A3GALT2: variants seen among roughly 807,000 people sequenced by gnomAD.
A3GALT2 encodes the protein alpha 1,3-galactosyltransferase 2.
Under a neutral mutation model 16.6 loss-of-function variants are expected in A3GALT2, and 14 were observed. The observed-to-expected ratio is 0.84, with a 90% CI of 0.56 to 1.32. The LOEUF (loss-of-function observed/expected upper bound fraction) is 1.32. A3GALT2 is among the 40% of genes most tolerant of loss of function. The probability of loss-of-function intolerance (pLI) is 0.00; values close to 1 mark genes in which losing one functional copy is unlikely to be tolerated. For missense variants in A3GALT2, 600 were observed against 490.9 expected, an observed-to-expected ratio of 1.22 and a Z score of -2.10; for synonymous variants, 253 against 218.0, an observed-to-expected ratio of 1.16 and a Z score of -1.42.
At chr1:33,316,092 C>T (rs1226059213) in intron 1 of A3GALT2, among the ~76,000 whole-genome samples, 1 of 152,010 alleles carries the variant, frequency 6.6e-6, no homozygotes. Context: ...GTTGGGGCCT[C>T]CTGGAGGAGG....
intron 3 of A3GALT2, 111 bp downstream of exon 3, chr1:33,312,389 GC>G: frequency 7.6e-7 from 1 of 1,316,142 alleles, no homozygotes; most frequent in Non-Finnish European, 1.0e-6. Flanking sequence ...GGACTTGGTG[GC>G]AGAGTGCCTG....
In A3GALT2 at chr1:33,306,879, C is replaced by T. The variant is rs772224732; in HGVS notation, c.910G>A (p.Ala304Thr). 3.3e-6 allele frequency: 5 copies of T among 1,519,714 alleles called. No individual in the cohort carries two copies. The highest frequency in any genetic ancestry group is 3.4e-4 in the Middle Eastern group (2 of 5,900). The allele number at this position is 1,519,714 out of a possible 1,614,324, so 94.1% of individuals were successfully genotyped here. A position where few individuals can be genotyped will look rare whatever the true frequency, so the allele number is the denominator to read the frequency against. Residue 304 changes from alanine to threonine, a missense_variant, in exon 5 of 5, where the codon GCC becomes ACC. Coordinates refer to ENST00000442999, the MANE Select transcript of A3GALT2 (RefSeq NM_001080438.1). ...LNKFFWLHKP[A>T]KVLSPEFCWS... is the part of the protein sequence containing the mutation. ...CAGAACTCGGGCGACAGCACCTTGG[C>T]GGGCTTGTGCAGCCAGAAGAACTTG...
rs926969528 is a variant in A3GALT2 at position 33,307,087 on chromosome 1, G to T, written c.702C>A (p.Phe234Leu). ...CGGCGGCCGAATGCGCGTCGCGTTC[G>T]AAGGGCAGCAGCCACGACGGCCAGT... ...HYHWPSWLLP[F>L]ERDAHSAAAM... is the part of the protein sequence containing the mutation. The change falls in exon 5 of 5, where the codon TTC (phenylalanine) becomes TTA (leucine). Residue 234 changes from phenylalanine to leucine, a missense_variant. Transcript: ENST00000442999. 9.8e-6 allele frequency: 15 copies of T among 1,523,204 alleles called. No individual in the cohort carries two copies. The Admixed American group carries it at 1.2e-4, about 12-fold the overall frequency. 94.4% of individuals were successfully genotyped at this position (1,523,204 alleles called of 1,614,324 possible).
intron 3 of A3GALT2, 65 bp downstream of exon 3, chr1:33,312,436 A>T (rs543631692): frequency 2.1e-6 from 3 of 1,457,172 alleles, no homozygotes; most frequent in African/African-American, 1.4e-5. Context: ...GAGGGCAGGG[A>T]CATGGGGCAG....
chr1:33,315,063 G>T (rs1420455745), intron 1 of A3GALT2, among the ~76,000 whole-genome samples: 1 of 152,118 alleles, frequency 6.6e-6, no homozygotes. Flanking sequence ...CCCGGGCAAC[G>T]GAGCAAGACC....
chr1:33,306,827 G>A lies in A3GALT2; in HGVS notation c.962C>T (p.Ala321Val). 6.7e-7 allele frequency: 1 copy of A among 1,493,124 alleles called. No homozygotes were observed. The highest frequency in any genetic ancestry group is 8.9e-7 in the Non-Finnish European group (1 of 1,128,262). 92.5% of individuals were successfully genotyped at this position (1,493,124 alleles called of 1,614,324 possible). ...FCWSPDIGPR[A>V]EIRRPRLLWA... ...CAGCAGTCGCGGGCGGCGGATCTCG[G>A]CCCGCGGGCCGATGTCCGGGCTCCA... Residue 321 changes from alanine (A) to valine (V), a missense_variant, in exon 5 of 5, where the codon GCC becomes GTC. Transcript: ENST00000442999.
In A3GALT2 at chr1:33,319,878, T is replaced by C. The variant is rs557364283; in HGVS notation, c.23+1198A>G. On this transcript the variant is annotated intron_variant, in intron 1 of 4. Transcript: ENST00000442999. Reference sequence around the variant, plus strand: ...CTTTAGGTGAAAAGCCCCAACCTACTGCAGGTTTTCAGGGTGCACCTTCAG... The same window carrying C: ...CTTTAGGTGAAAAGCCCCAACCTACCGCAGGTTTTCAGGGTGCACCTTCAG... Among the ~76,000 whole-genome samples the C allele has an allele frequency of 2.0e-4, 31 of 152,132 alleles. 2 individuals carry two copies. The highest frequency in any genetic ancestry group is 6.7e-4 in the African/African-American group (28 of 41,564).
At chr1:33,310,925 G>A (rs903494168) in intron 4 of A3GALT2, among the ~76,000 whole-genome samples, 1 of 152,164 alleles carries the variant, frequency 6.6e-6, no homozygotes, top group African/African-American at 2.4e-5. Context: ...CCTGGTCCAC[G>A]GGGCAGCCCT....
At chr1:33,312,415 G>A (rs1235239271) in intron 3 of A3GALT2, 86 bp downstream of exon 3, 1 of 1,383,694 alleles carries the variant, frequency 7.2e-7, no homozygotes, top group Non-Finnish European at 9.9e-7. Flanking sequence ...TGCTGGGGTG[G>A]GAGATGTGTG....
Position 33,306,786 on chromosome 1 carries a change from AC to A in A3GALT2, c.1002del (p.Tyr335ThrfsTer?). ...RRPRLLWAPKGYRLLRN is the reference protein window; with the variant it reads ...RRPRLLWAPKXYRLLRN ...CGGCGCTAGTTCCGCAGCAGCCGGTACCCCTTGGGCGCCCACAGCAGTCGCG... is the reference window on the plus strand; with the variant it reads ...CGGCGCTAGTTCCGCAGCAGCCGGTACCCTTGGGCGCCCACAGCAGTCGCG... On this transcript the variant is annotated frameshift_variant, in exon 5 of 5. Coordinates refer to ENST00000442999, the MANE Select transcript of A3GALT2 (RefSeq NM_001080438.1). LOFTEE classifies it high-confidence loss of function. 5.7e-6 allele frequency: 8 copies of A among 1,415,606 alleles called. No homozygotes were observed. Among genetic ancestry groups the A allele is most frequent in the Non-Finnish European group, 7.3e-6 (8 of 1,093,908 alleles). 87.7% of individuals were successfully genotyped at this position (1,415,606 alleles called of 1,614,324 possible).
chr1:33,311,378 A>C (rs1245444065), intron 4 of A3GALT2, among the ~76,000 whole-genome samples: 1 of 152,018 alleles, frequency 6.6e-6, no homozygotes, highest in African/African-American at 2.4e-5. Flanking sequence ...CTTGATCTTC[A>C]TCAGTGTCTG....
At chr1:33,310,740 G>A (rs1425100341) in intron 4 of A3GALT2, among the ~76,000 whole-genome samples, 1 of 152,170 alleles carries the variant, frequency 6.6e-6, no homozygotes, top group African/African-American at 2.4e-5. Context: ...AGCATTTCGT[G>A]GTGTTGGACT....
intron 4 of A3GALT2, among the ~76,000 whole-genome samples, chr1:33,309,710 G>A (rs922237086): frequency 1.1e-4 from 16 of 151,878 alleles, no homozygotes; most frequent in South Asian, 2.1e-4. Flanking sequence ...CAGAAAGGGC[G>A]GCGGGGCAGA....
At chr1:33,309,246 A>G (rs1351183892) in intron 4 of A3GALT2, among the ~76,000 whole-genome samples, 2 of 152,126 alleles carry the variant, frequency 1.3e-5, no homozygotes, top group Non-Finnish European at 2.9e-5. Context: ...CAAAACCACC[A>G]CCATCATCAT....
rs557429806 is a variant in A3GALT2, at chr1:33,309,108, C to T, written c.336-1655G>A. On this transcript the variant is annotated intron_variant, in intron 4 of 4. Coordinates refer to ENST00000442999, the MANE Select transcript of A3GALT2 (RefSeq NM_001080438.1). ...GGGTAAGGTTATAGATTAACAGCAT[C>T]CCAAGGCAGAAGAATTTTTCTTAGT... Among the ~76,000 whole-genome samples the T allele has an allele frequency of 6.3e-3, 961 of 152,006 alleles. 5 individuals carry two copies. Among genetic ancestry groups the T allele is most frequent in the Non-Finnish European group, 9.5e-3 (643 of 67,974 alleles).
chr1:33,306,969 C>G lies in A3GALT2; in HGVS notation c.820G>C (p.Gly274Arg). Residue 274 changes from glycine to arginine, a missense_variant, in exon 5 of 5, where the codon GGG (glycine) becomes CGG (arginine). Transcript: ENST00000442999. ...ALRGLTAHCA[G>R]GLDWDRARGL... ...CGCGCGCGGTCCCAGTCCAGGCCCC[C>G]CGCACAGTGCGCCGTCAGCCCGCGC... The G allele has an allele frequency of 2.0e-6, 3 of 1,490,668 alleles. No individual in the cohort carries two copies. The highest frequency in any genetic ancestry group is 2.7e-6 in the Non-Finnish European group (3 of 1,127,236). The allele number at this position is 1,490,668 out of a possible 1,614,324, so 92.3% of individuals were successfully genotyped here. A position where few individuals can be genotyped will look rare whatever the true frequency, so the allele number is the denominator to read the frequency against.
chr1:33,306,850 C>T lies in A3GALT2; in HGVS notation c.939G>A (p.Trp313Ter), dbSNP rs1024581704. ...PAKVLSPEFC[W>*]SPDIGPRAEI... ...CGGCCCGCGGGCCGATGTCCGGGCT[C>T]CAGCAGAACTCGGGCGACAGCACCT... Residue 313 changes from tryptophan (W) to a stop codon, truncating the protein, a stop_gained, in exon 5 of 5, where the codon TGG becomes TGA. Coordinates refer to ENST00000442999, the MANE Select transcript of A3GALT2 (RefSeq NM_001080438.1). LOFTEE classifies it low-confidence loss of function (END_TRUNC). The T allele has an allele frequency of 1.3e-5, 20 of 1,510,550 alleles. No individual in the cohort carries two copies. In the African/African-American group the frequency reaches 1.7e-4, roughly 13 times the overall value. The allele number at this position is 1,510,550 out of a possible 1,614,324, so 93.6% of individuals were successfully genotyped here.
At chr1:33,315,292 G>C (rs1171744398) in intron 1 of A3GALT2, among the ~76,000 whole-genome samples, 2 of 150,606 alleles carry the variant, frequency 1.3e-5, no homozygotes, top group Admixed American at 6.7e-5. Context: ...TGAGGCAGGA[G>C]AATCACTTGA....
rs774837352 is a variant in A3GALT2 at position 33,307,088 on chromosome 1, A to C, written c.701T>G (p.Phe234Cys). Residue 234 changes from phenylalanine (F) to cysteine (C), a missense_variant, in exon 5 of 5, where the codon TTC (phenylalanine) becomes TGC (cysteine). By Grantham distance (205) the Phe-to-Cys change is radical. Coordinates refer to ENST00000442999, the MANE Select transcript of A3GALT2 (RefSeq NM_001080438.1). ...GGCGGCCGAATGCGCGTCGCGTTCG[A>C]AGGGCAGCAGCCACGACGGCCAGTG... is the stretch of plus-strand genomic sequence containing the variant. ...HYHWPSWLLP[F>C]ERDAHSAAAM... 6 of 1,523,840 alleles carry C rather than the reference A, an allele frequency of 3.9e-6. No individual in the cohort carries two copies. The highest frequency in any genetic ancestry group is 4.4e-6 in the Non-Finnish European group (5 of 1,138,036). The allele number at this position is 1,523,840 out of a possible 1,614,324, so 94.4% of individuals were successfully genotyped here.
Sources: gnomAD v4.1 joint callset for allele counts (sites outside exome capture counted in the v4.1 genomes callset) on GRCh38, gnomAD v4.1.1 for gene constraint, MANE v1.5 for transcripts, NCBI Gene and HGNC (gene_info 2026-07-23, HGNC 2026-07-21) for gene names.